PAWR: variants seen among roughly 807,000 people sequenced by gnomAD.
PAWR encodes the protein pro-apoptotic WT1 regulator.
In PAWR, 23 loss-of-function variants were observed where a neutral mutation model predicts 32.0. That is an observed-to-expected ratio of 0.72 (90% CI 0.52 to 1.02). The LOEUF (loss-of-function observed/expected upper bound fraction) is 1.02. Among genes scored for constraint, PAWR ranks in the 50% least tolerant of loss-of-function variants. The pLI, the probability that PAWR is intolerant of heterozygous loss-of-function variation, is 0.00. For synonymous variants in PAWR, 226 were observed against 187.1 expected (o/e 1.21, Z -1.70); for missense variants, 457 against 437.7 (o/e 1.04, Z -0.39).
At chr12:79,598,683 C>T (rs981614568) in intron 4 of PAWR, among the ~76,000 whole-genome samples, 3 of 152,190 alleles carry the variant, frequency 2.0e-5, no homozygotes, top group Non-Finnish European at 2.9e-5. Context: ...AGATCACCAT[C>T]TACTTTACTG....
At chr12:79,608,817 G>GAGATCAGGA (rs1320199316) in intron 4 of PAWR, among the ~76,000 whole-genome samples, 2 of 152,252 alleles carry the variant, frequency 1.3e-5, no homozygotes, top group Non-Finnish European at 2.9e-5. Context: ...GGCTGAGGTG[G>GAGATCAGGA]GTGAACTACT....
chr12:79,618,452 A>C (rs1393053574), intron 3 of PAWR, among the ~76,000 whole-genome samples: 1 of 152,188 alleles, frequency 6.6e-6, no homozygotes, highest in Non-Finnish European at 1.5e-5. Context: ...TCTGGTAAGA[A>C]CATTTAAAAT....
At chr12:79,638,181 G>C (rs995378925) in intron 2 of PAWR, among the ~76,000 whole-genome samples, 1 of 150,866 alleles carries the variant, frequency 6.6e-6, no homozygotes, top group African/African-American at 2.4e-5. Context: ...GAAAGCTTGT[G>C]TAAGATTGGT....
In PAWR at chr12:79,672,327, C is replaced by T. The variant is rs548794851; in HGVS notation, c.516+17402G>A. Among the ~76,000 whole-genome samples the T allele has an allele frequency of 9.2e-5, 14 of 152,306 alleles. 1 individual carries two copies. Among genetic ancestry groups the T allele is most frequent in the African/African-American group, 3.1e-4 (13 of 41,570 alleles). On this transcript the variant is annotated intron_variant, in intron 2 of 6. Transcript: ENST00000328827. Reference sequence around the variant, plus strand: ...ATGACCTGGTCTTTATCTCTTCTCACCTACCCAACTTTTGCTTTAAGTTGA... The same window carrying T: ...ATGACCTGGTCTTTATCTCTTCTCATCTACCCAACTTTTGCTTTAAGTTGA...
chr12:79,599,567 AG>A (rs138918507), intron 4 of PAWR, among the ~76,000 whole-genome samples: 56 of 152,380 alleles, frequency 3.7e-4, no homozygotes, highest in African/African-American at 1.3e-3. Context: ...AGTGTTATAT[AG>A]TTCAGAGCAA....
In PAWR at chr12:79,589,736, T is replaced by C. The variant is rs1873492322; in HGVS notation, c.*2871A>G. 6.6e-6 allele frequency: 1 copy of C among 152,230 alleles called. No individual in the cohort carries two copies. The highest frequency in any genetic ancestry group is 6.5e-5 in the Admixed American group (1 of 15,284). The allele number at this position is 152,230 out of a possible 1,614,324, so 9.4% of individuals were successfully genotyped here. On this transcript the variant is annotated 3_prime_UTR_variant, in exon 7 of 7. Transcript: ENST00000328827. ...TCAGAAATCAAGGAGGCAAGTCATG[T>C]TCATTTTAAAGATGACAAACTTACT...
At chr12:79,649,426 C>T (rs1876733022) in intron 2 of PAWR, among the ~76,000 whole-genome samples, 1 of 151,574 alleles carries the variant, frequency 6.6e-6, no homozygotes, top group Admixed American at 6.6e-5. Context: ...ACATACAATA[C>T]ATGTATGTTA....
At chr12:79,644,099 T>C (rs1213429147) in intron 2 of PAWR, among the ~76,000 whole-genome samples, 1 of 152,214 alleles carries the variant, frequency 6.6e-6, no homozygotes, top group Non-Finnish European at 1.5e-5. Context: ...GTGCTTATTA[T>C]GTGGTTTCTC....
rs1873703489 is a variant in PAWR, at chr12:79,595,172, G to C, written c.832-739C>G. ...TAGAAACTCTAAACAGAAAAACAATGGTCCTCAGTTTTACTTCTGGCTCTG... is the reference window on the plus strand; with the variant it reads ...TAGAAACTCTAAACAGAAAAACAATCGTCCTCAGTTTTACTTCTGGCTCTG... On this transcript the variant is annotated intron_variant, in intron 5 of 6. Transcript: ENST00000328827. 2.0e-5 allele frequency among the ~76,000 whole-genome samples: 3 copies of C among 152,124 alleles called. No individual in the cohort carries two copies. The East Asian group carries it at 5.8e-4, about 29-fold the overall frequency.
At chr12:79,639,833 C>CT (rs1313531485) in intron 2 of PAWR, among the ~76,000 whole-genome samples, 110 of 127,574 alleles carry the variant, frequency 8.6e-4, no homozygotes, top group East Asian at 1.8e-3. Context: ...TTTCCTTTTC[C>CT]ATTCCTATTC....
chr12:79,655,584 T>C (rs1334563351), intron 2 of PAWR, among the ~76,000 whole-genome samples: 1 of 152,216 alleles, frequency 6.6e-6, no homozygotes, highest in Non-Finnish European at 1.5e-5. Flanking sequence ...ACTTAGAGCA[T>C]GCCTTCTCAA....
At chr12:79,607,171 C>T (rs925793333) in intron 4 of PAWR, among the ~76,000 whole-genome samples, 25 of 152,066 alleles carry the variant, frequency 1.6e-4, no homozygotes, top group African/African-American at 6.0e-4. Flanking sequence ...CGCCTGTAAT[C>T]CCAGCACCTT....
At chr12:79,668,540 G>A (rs1215856106) in intron 2 of PAWR, 1 of 152,228 alleles carries the variant, frequency 6.6e-6, no homozygotes, top group African/African-American at 2.4e-5. Flanking sequence ...TAATGGGGAG[G>A]ATGGTTTCTG....
At chr12:79,633,429 T>C (rs1875810981) in intron 2 of PAWR, among the ~76,000 whole-genome samples, 1 of 152,188 alleles carries the variant, frequency 6.6e-6, no homozygotes, top group African/African-American at 2.4e-5. Context: ...GAAACCATAA[T>C]GAACCACCTA....
Position 79,670,702 on chromosome 12 carries a change from G to A in PAWR, c.516+19027C>T, listed in dbSNP as rs190339283. 3.6e-3 allele frequency among the ~76,000 whole-genome samples: 549 copies of A among 151,992 alleles called. 3 individuals are homozygous for A. The highest frequency in any genetic ancestry group is 6.3e-3 in the Non-Finnish European group (431 of 67,986). On this transcript the variant is annotated intron_variant, in intron 2 of 6. Transcript: ENST00000328827. ...CGAATTTATCAATAGATACTCTCTA[G>A]TATCAAATATTAAAACTTCAGTTCA...
At chr12:79,634,862 T>C (rs984391910) in intron 2 of PAWR, among the ~76,000 whole-genome samples, 6 of 152,118 alleles carry the variant, frequency 3.9e-5, no homozygotes, top group African/African-American at 1.4e-4. Flanking sequence ...GTTTTCTGTA[T>C]GTTAACGTTT....
rs1337227079 is a variant in PAWR at position 79,592,479 on chromosome 12, T to G, written c.*128A>C. Reference sequence around the variant, plus strand: ...AAGTATTTTGAAAACAAACATCTGTTTGCTAGAAATAAATATACTTGCTTA... The same window carrying G: ...AAGTATTTTGAAAACAAACATCTGTGTGCTAGAAATAAATATACTTGCTTA... On this transcript the variant is annotated 3_prime_UTR_variant, in exon 7 of 7. Coordinates refer to ENST00000328827, the MANE Select transcript of PAWR (RefSeq NM_002583.4). 1.5e-5 allele frequency: 8 copies of G among 542,502 alleles called. No individual in the cohort carries two copies. The highest frequency in any genetic ancestry group is 1.4e-4 in the East Asian group (4 of 29,070). 33.6% of individuals were successfully genotyped at this position (542,502 alleles called of 1,614,324 possible). A position where few individuals can be genotyped will look rare whatever the true frequency, so the allele number is the denominator to read the frequency against.
At chr12:79,632,251 A>AT (rs1296881107) in intron 2 of PAWR, 1 of 136,210 alleles carries the variant, frequency 7.3e-6, no homozygotes, top group African/African-American at 2.9e-5. Context: ...GCGTAAAGAT[A>AT]TTCATACAAA....
At chr12:79,613,169 C>T (rs1874519734) in intron 4 of PAWR, among the ~76,000 whole-genome samples, 1 of 152,206 alleles carries the variant, frequency 6.6e-6, no homozygotes, top group Non-Finnish European at 1.5e-5. Context: ...TCACCAGAAC[C>T]TGACAATGGT....
Sources: gnomAD v4.1 joint callset for allele counts (sites outside exome capture counted in the v4.1 genomes callset) on GRCh38, gnomAD v4.1.1 for gene constraint, MANE v1.5 for transcripts, NCBI Gene and HGNC (gene_info 2026-07-23, HGNC 2026-07-21) for gene names.